The following MCPH1 variants were observed in gnomAD, a reference collection of about 807,000 sequenced individuals.
The protein encoded by MCPH1 is microcephalin 1.
A neutral mutation model predicts 84.5 loss-of-function variants in MCPH1; 104 were observed. The ratio of observed to expected loss-of-function variants is 1.23; its 90% CI spans 1.05 to 1.45. The LOEUF (loss-of-function observed/expected upper bound fraction) is 1.45. Ranked by LOEUF, MCPH1 falls within the 40% of genes most tolerant of loss-of-function variation. The probability of loss-of-function intolerance (pLI) is 0.00; values close to 1 mark genes in which losing one functional copy is unlikely to be tolerated. For synonymous variants in MCPH1, 514 were observed against 366.8 expected (o/e 1.40, Z -4.58); for missense variants, 1,498 against 1,005.7 (o/e 1.49, Z -6.62).
At chr8:6,470,184 C>G (rs1367860661) in intron 9 of MCPH1, among the ~76,000 whole-genome samples, 2 of 152,108 alleles carry the variant, frequency 1.3e-5, no homozygotes, top group African/African-American at 4.8e-5. Context: ...TAATATATTG[C>G]TAATAATAAG....
intron 2 of MCPH1, among the ~76,000 whole-genome samples, chr8:6,409,836 A>G (rs971345833): frequency 2.0e-5 from 3 of 152,196 alleles, no homozygotes; most frequent in Non-Finnish European, 4.4e-5. Context: ...CATGTCAGGC[A>G]TGGTTAGGAT....
At chr8:6,536,028 G>A (rs1244648459) in intron 12 of MCPH1, among the ~76,000 whole-genome samples, 1 of 152,116 alleles carries the variant, frequency 6.6e-6, no homozygotes, top group Non-Finnish European at 1.5e-5. Context: ...CTGCACTGCA[G>A]CTTGGGCGAC....
rs1179954882 is a variant in MCPH1, at chr8:6,644,932, A to C, written c.*1883A>C. On this transcript the variant is annotated 3_prime_UTR_variant, in exon 14 of 14. Coordinates refer to ENST00000344683, the MANE Select transcript of MCPH1 (RefSeq NM_024596.5). ...CTCTTGGTTTTAAAATAATGTATAC[A>C]CCTAAATCATCCCCTTATGATACTC... 1.3e-5 allele frequency: 2 copies of C among 152,168 alleles called. No homozygotes were observed. Among genetic ancestry groups the C allele is most frequent in the African/African-American group, 4.8e-5 (2 of 41,440 alleles). 9.4% of individuals were successfully genotyped at this position (152,168 alleles called of 1,614,324 possible). A position where few individuals can be genotyped will look rare whatever the true frequency, so the allele number is the denominator to read the frequency against.
chr8:6,562,468 C>T (rs950437754), intron 12 of MCPH1, among the ~76,000 whole-genome samples: 1 of 148,170 alleles, frequency 6.7e-6, no homozygotes, highest in Admixed American at 6.8e-5. Context: ...TACCCACACA[C>T]CCTGGGATAG....
At chr8:6,417,887 A>G (rs78892538) in intron 3 of MCPH1, among the ~76,000 whole-genome samples, 5,995 of 152,272 alleles carry the variant, frequency 0.039, 338 homozygotes, top group African/African-American at 0.13. Flanking sequence ...CACGTTGTAA[A>G]TACTATGTAG....
chr8:6,443,644 C>T (rs1803836662), intron 7 of MCPH1, among the ~76,000 whole-genome samples: 1 of 152,184 alleles, frequency 6.6e-6, no homozygotes, highest in African/African-American at 2.4e-5. Flanking sequence ...CCCACGTAAC[C>T]ATGGGGCAGT....
At chr8:6,414,912 C>G in intron 3 of MCPH1, 29 bp downstream of exon 3, 1 of 1,609,302 alleles carries the variant, frequency 6.2e-7, no homozygotes, top group Non-Finnish European at 8.5e-7. Context: ...ACTTTTTTTC[C>G]TTAAGTATCT....
chr8:6,605,958 G>T (rs539885298), intron 12 of MCPH1, among the ~76,000 whole-genome samples: 1 of 152,102 alleles, frequency 6.6e-6, no homozygotes, highest in African/African-American at 2.4e-5. Context: ...TGGCCCCCCA[G>T]AATGCTGGGA....
chr8:6,575,718 A>C (rs1827020787), intron 12 of MCPH1, among the ~76,000 whole-genome samples: 1 of 152,150 alleles, frequency 6.6e-6, no homozygotes, highest in Non-Finnish European at 1.5e-5. Flanking sequence ...ACTGGAGTGG[A>C]GTGGGCCCCT....
intron 9 of MCPH1, among the ~76,000 whole-genome samples, chr8:6,476,155 G>A (rs1044575468): frequency 3.3e-5 from 5 of 152,034 alleles, no homozygotes; most frequent in African/African-American, 4.8e-5. Context: ...CAGGCCAGGC[G>A]CGGTGGCTCA....
At chr8:6,539,852 G>T (rs574430731) in intron 12 of MCPH1, among the ~76,000 whole-genome samples, 1 of 152,222 alleles carries the variant, frequency 6.6e-6, no homozygotes, top group African/African-American at 2.4e-5. Flanking sequence ...CTCCCAAAGT[G>T]CTAGGATTAC....
intron 12 of MCPH1, among the ~76,000 whole-genome samples, chr8:6,543,788 C>A (rs371928052): frequency 6.6e-6 from 1 of 152,182 alleles, no homozygotes; most frequent in Non-Finnish European, 1.5e-5. Flanking sequence ...TTTAAAGCTG[C>A]GAGTTTTTTC....
chr8:6,477,705 CT>C, intron 10 of MCPH1, 74 bp downstream of exon 10: 1 of 1,157,168 alleles, frequency 8.6e-7, no homozygotes, highest in Non-Finnish European at 1.3e-6. Flanking sequence ...TTCTGGGTGC[CT>C]TTAGGCAACT....
chr8:6,639,521 G>C (rs1175910380), intron 13 of MCPH1, among the ~76,000 whole-genome samples: 1 of 152,000 alleles, frequency 6.6e-6, no homozygotes, highest in Non-Finnish European at 1.5e-5. Context: ...AAAGTAGCCT[G>C]GTGTCATGGC....
intron 12 of MCPH1, among the ~76,000 whole-genome samples, chr8:6,587,860 A>G (rs1017357233): frequency 1.3e-5 from 2 of 152,110 alleles, no homozygotes; most frequent in Non-Finnish European, 2.9e-5. Context: ...TCCCCTCCTG[A>G]CTCTATTGGT....
chr8:6,443,121 A>G (rs1440342765), intron 7 of MCPH1, among the ~76,000 whole-genome samples: 2 of 152,182 alleles, frequency 1.3e-5, no homozygotes, highest in Non-Finnish European at 2.9e-5. Context: ...TAGCCTTAAG[A>G]GGTAGGTTCC....
At position 6,494,143 on chromosome 8, in the gene MCPH1, T is replaced by C. The variant is rs1001189285; in HGVS notation, c.2137-5709T>C. ...TTGTAGAGACAGAGTTTCACCGTGT[T>C]GTCCAGGCTGGTCTCAAACTCCTGA... On this transcript the variant is annotated intron_variant, in intron 11 of 13. Coordinates refer to ENST00000344683, the MANE Select transcript of MCPH1 (RefSeq NM_024596.5). The C allele has an allele frequency of 2.0e-5, 3 of 152,110 alleles. No homozygotes were observed. In the East Asian group the frequency reaches 5.8e-4, roughly 29 times the overall value. The allele number at this position is 152,110 out of a possible 1,614,324, so 9.4% of individuals were successfully genotyped here. A position where few individuals can be genotyped will look rare whatever the true frequency, so the allele number is the denominator to read the frequency against.
intron 3 of MCPH1, 53 bp from the exon 4 acceptor site, chr8:6,431,446 C>G: frequency 7.5e-7 from 1 of 1,326,946 alleles, no homozygotes. Flanking sequence ...AGTGCTGTGT[C>G]AATGTATAAT....
At chr8:6,571,704 A>T (rs1298829772) in intron 12 of MCPH1, among the ~76,000 whole-genome samples, 2 of 152,212 alleles carry the variant, frequency 1.3e-5, no homozygotes, top group East Asian at 1.9e-4. Flanking sequence ...TGCTTATGTC[A>T]AAGAAGTAAA....
Sources: gnomAD v4.1 joint callset for allele counts (sites outside exome capture counted in the v4.1 genomes callset) on GRCh38, gnomAD v4.1.1 for gene constraint, MANE v1.5 for transcripts, NCBI Gene and HGNC (gene_info 2026-07-23, HGNC 2026-07-21) for gene names.